Variants in DAB1 observed in about 807,000 individuals in gnomAD.
The protein encoded by DAB1 is DAB adaptor protein 1, also known as disabled homolog 1.
In DAB1, 15 loss-of-function variants were observed where a neutral mutation model predicts 64.6. The ratio of observed to expected loss-of-function variants is 0.23; its 90% CI spans 0.16 to 0.36. The LOEUF (loss-of-function observed/expected upper bound fraction) is 0.36, where lower values mean the gene tolerates loss of function less well. Ranked by LOEUF, DAB1 falls within the 10% of genes least tolerant of loss-of-function variation. The pLI, the probability that DAB1 is intolerant of heterozygous loss-of-function variation, is 1.00. For synonymous variants in DAB1, 235 were observed against 251.9 expected (o/e 0.93, Z 0.64); for missense variants, 596 against 706.7 (o/e 0.84, Z 1.78).
chr1:57,381,993 G>T (rs1250562743), intron 1 of DAB1, among the ~76,000 whole-genome samples: 1 of 152,166 alleles, frequency 6.6e-6, no homozygotes, highest in Non-Finnish European at 1.5e-5. Context: ...CAAAGAAGCT[G>T]CTGGGTGGCT....
chr1:57,810,142 G>A (rs1441868593), intron 6 of DAB1, among the ~76,000 whole-genome samples: 1 of 152,144 alleles, frequency 6.6e-6, no homozygotes, highest in Non-Finnish European at 1.5e-5. Flanking sequence ...TGAGGGGAGA[G>A]GGAGAAAAAG....
At chr1:57,598,477 C>T (rs976934265) in intron 7 of DAB1, among the ~76,000 whole-genome samples, 1 of 152,182 alleles carries the variant, frequency 6.6e-6, no homozygotes, top group East Asian at 1.9e-4. Flanking sequence ...AAATGACATA[C>T]CCTATATAAA....
intron 2 of DAB1, among the ~76,000 whole-genome samples, chr1:57,265,336 A>T (rs1413614831): frequency 6.6e-6 from 1 of 152,074 alleles, no homozygotes; most frequent in East Asian, 1.9e-4. Flanking sequence ...TTATGGACCT[A>T]ATTGTCAGTT....
intron 10 of DAB1, among the ~76,000 whole-genome samples, chr1:57,024,199 A>G (rs706359): frequency 0.047 from 6,729 of 141,952 alleles, 159 homozygotes; most frequent in African/African-American, 0.069. Flanking sequence ...TCAGCGCCCC[A>G]GATTTTGCCT....
intron 5 of DAB1, among the ~76,000 whole-genome samples, chr1:57,988,612 G>T (rs904816848): frequency 6.6e-6 from 1 of 152,088 alleles, no homozygotes; most frequent in Non-Finnish European, 1.5e-5. Flanking sequence ...ATCCCCCAGG[G>T]CCTGTTGCCT....
intron 5 of DAB1, among the ~76,000 whole-genome samples, chr1:58,138,034 A>G (rs1272169425): frequency 2.0e-5 from 3 of 152,212 alleles, no homozygotes. Flanking sequence ...CATAAACATA[A>G]TATTATGATA....
intron 6 of DAB1, among the ~76,000 whole-genome samples, chr1:57,764,576 G>A (rs1360332674): frequency 3.9e-5 from 6 of 152,000 alleles, no homozygotes; most frequent in South Asian, 2.1e-4. Flanking sequence ...CTCCCTATCC[G>A]TCTTGTCCTC....
At chr1:57,520,155 A>G (rs2101377572) in intron 7 of DAB1, among the ~76,000 whole-genome samples, 1 of 152,358 alleles carries the variant, frequency 6.6e-6, no homozygotes, top group South Asian at 2.1e-4. Flanking sequence ...AAAGTTCAAC[A>G]TCAAAAATAT....
chr1:57,002,866 T>A (rs1216599557), intron 14 of DAB1, among the ~76,000 whole-genome samples: 1 of 152,174 alleles, frequency 6.6e-6, no homozygotes, highest in Non-Finnish European at 1.5e-5. Context: ...TCCTCATCTG[T>A]AAAATGAGGC....
chr1:58,345,760 C>G (rs868446669), intron 3 of DAB1, among the ~76,000 whole-genome samples: 20 of 152,242 alleles, frequency 1.3e-4, no homozygotes, highest in Middle Eastern at 3.4e-3. Flanking sequence ...GCTTCCTCAC[C>G]CACCCCCATC....
At chr1:58,187,283 A>C (rs1657129878) in intron 4 of DAB1, among the ~76,000 whole-genome samples, 1 of 148,904 alleles carries the variant, frequency 6.7e-6, no homozygotes, top group Admixed American at 6.7e-5. Context: ...CCAAAGGAAG[A>C]CCTTAACTCT....
chr1:57,142,932 C>A (rs1658754388), intron 3 of DAB1, among the ~76,000 whole-genome samples: 2 of 152,158 alleles, frequency 1.3e-5, no homozygotes, highest in African/African-American at 4.8e-5. Flanking sequence ...GAGCAAATCT[C>A]CACTTGCCAG....
chr1:58,054,828 C>T (rs11591081), intron 5 of DAB1, among the ~76,000 whole-genome samples: 30,268 of 152,078 alleles, frequency 0.2, 3,324 homozygotes, highest in Admixed American at 0.23. Context: ...GTTTTAAAAA[C>T]GAGGCCTTGG....
chr1:58,089,277 C>T (rs1650498414), intron 5 of DAB1, among the ~76,000 whole-genome samples: 1 of 152,260 alleles, frequency 6.6e-6, no homozygotes, highest in Admixed American at 6.5e-5. Context: ...ATAGAGCTAT[C>T]ACAGCTGCCT....
intron 3 of DAB1, among the ~76,000 whole-genome samples, chr1:58,410,726 G>A (rs1380426503): frequency 6.6e-6 from 1 of 152,162 alleles, no homozygotes; most frequent in Non-Finnish European, 1.5e-5. Context: ...GCGCTTAGAA[G>A]TAACCCAGGT....
intron 5 of DAB1, among the ~76,000 whole-genome samples, chr1:58,104,170 C>A (rs1651498623): frequency 6.6e-6 from 1 of 152,208 alleles, no homozygotes; most frequent in South Asian, 2.1e-4. Flanking sequence ...ACCAGAGAAG[C>A]CTCCCCACCG....
intron 5 of DAB1, among the ~76,000 whole-genome samples, chr1:58,001,142 A>AC (rs1345881672): frequency 6.7e-6 from 1 of 148,862 alleles, no homozygotes; most frequent in Non-Finnish European, 1.5e-5. Flanking sequence ...CTCTCCTTGC[A>AC]CCCCCAATTT....
At chr1:57,749,824 A>G (rs922691309) in intron 6 of DAB1, among the ~76,000 whole-genome samples, 1 of 152,156 alleles carries the variant, frequency 6.6e-6, no homozygotes, top group African/African-American at 2.4e-5. Context: ...AGATGCTACA[A>G]CCAAAAAACA....
intron 9 of DAB1, among the ~76,000 whole-genome samples, chr1:57,030,466 AG>A (rs1473464492): frequency 2.6e-5 from 4 of 152,228 alleles, no homozygotes; most frequent in Non-Finnish European, 5.9e-5. Context: ...ATCCAGGCAG[AG>A]GAAACTGCTT....
Sources: gnomAD v4.1 joint callset for allele counts (sites outside exome capture counted in the v4.1 genomes callset) on GRCh38, gnomAD v4.1.1 for gene constraint, MANE v1.5 for transcripts, NCBI Gene and HGNC (gene_info 2026-07-23, HGNC 2026-07-21) for gene names.